Variants in KHDRBS2 observed in about 807,000 individuals in gnomAD.
KHDRBS2 encodes the protein KH domain-containing, RNA-binding, signal transduction-associated protein 2.
Under a neutral mutation model 44.3 loss-of-function variants are expected in KHDRBS2, and 26 were observed. That is an observed-to-expected ratio of 0.59 (90% CI 0.43 to 0.81). The LOEUF is 0.81. KHDRBS2 is among the 40% of genes least tolerant of loss of function. The pLI is 0.00. For synonymous variants in KHDRBS2, 194 were observed against 151.1 expected (o/e 1.28, Z -2.08); for missense variants, 476 against 433.1 (o/e 1.10, Z -0.88).
At chr6:61,719,815 A>G (rs866109791) in intron 7 of KHDRBS2, among the ~76,000 whole-genome samples, 1 of 152,046 alleles carries the variant, frequency 6.6e-6, no homozygotes, top group South Asian at 2.1e-4. Flanking sequence ...TTTAGGGTAC[A>G]TGTGCATAAT....
chr6:61,896,729 A>G (rs188498383), intron 5 of KHDRBS2, among the ~76,000 whole-genome samples: 23 of 152,194 alleles, frequency 1.5e-4, no homozygotes, highest in Non-Finnish European at 2.9e-4. Context: ...TACTTCCTCT[A>G]CATTCCTGAA....
chr6:62,023,665 A>G (rs887207433), intron 3 of KHDRBS2, among the ~76,000 whole-genome samples: 3 of 151,616 alleles, frequency 2.0e-5, no homozygotes, highest in Non-Finnish European at 4.4e-5. Context: ...TAAAAAACAA[A>G]AACATAAAAG....
intron 6 of KHDRBS2, among the ~76,000 whole-genome samples, chr6:61,758,692 T>C (rs962430958): frequency 5.9e-5 from 9 of 152,076 alleles, no homozygotes; most frequent in African/African-American, 1.7e-4. Flanking sequence ...ACATAAAATA[T>C]ACTCATGCTG....
intron 6 of KHDRBS2, among the ~76,000 whole-genome samples, chr6:61,745,426 A>T (rs922425492): frequency 5.3e-5 from 8 of 152,154 alleles, no homozygotes; most frequent in Non-Finnish European, 1.2e-4. Flanking sequence ...AGTTTAGAGT[A>T]ATGAAGTGCT....
chr6:61,578,084 G>GA, the KHDRBS2 span, among the ~76,000 whole-genome samples: 67 of 152,172 alleles, frequency 4.4e-4, no homozygotes, highest in Middle Eastern at 3.4e-3. Context: ...CTGACTCCCA[G>GA]AAAAAAGGCT....
rs1491476068 is a variant in KHDRBS2, at chr6:61,945,112, A to AAT, written c.483+32953_483+32954insAT. ...TCTTAAAAAAAAAAAAAAAAAAAAA[A>AAT]GTATATATATATATATATATATATA... On this transcript the variant is annotated intron_variant, in intron 4 of 8. Transcript: ENST00000281156. 1.2e-3 allele frequency among the ~76,000 whole-genome samples: 56 copies of AAT among 48,404 alleles called. 6 individuals carry two copies. The highest frequency in any genetic ancestry group is 3.9e-3 in the African/African-American group (48 of 12,268). 31.8% of individuals were successfully genotyped at this position (48,404 alleles called of 152,430 possible). A position where few individuals can be genotyped will look rare whatever the true frequency, so the allele number is the denominator to read the frequency against.
intron 1 of KHDRBS2, among the ~76,000 whole-genome samples, chr6:62,218,771 G>C (rs1174195316): frequency 6.6e-6 from 1 of 151,778 alleles, no homozygotes; most frequent in Admixed American, 6.6e-5. Context: ...ATCAACTTAA[G>C]TATCCATCAA....
chr6:62,152,996 T>C (rs1815556143), intron 2 of KHDRBS2, among the ~76,000 whole-genome samples: 2 of 152,212 alleles, frequency 1.3e-5, no homozygotes, highest in African/African-American at 4.8e-5. Flanking sequence ...TTGGCCCACA[T>C]GTGGCTCACT....
chr6:62,023,173 C>T (rs1191648170), intron 3 of KHDRBS2, among the ~76,000 whole-genome samples: 1 of 151,572 alleles, frequency 6.6e-6, no homozygotes, highest in Non-Finnish European at 1.5e-5. Context: ...TATACTAATC[C>T]ATATGTAAGA....
chr6:61,871,468 G>T (rs151112281), intron 6 of KHDRBS2, among the ~76,000 whole-genome samples: 28 of 152,258 alleles, frequency 1.8e-4, no homozygotes, highest in Non-Finnish European at 2.8e-4. Context: ...CCCCAACCTA[G>T]CAAGACAGAA....
intron 7 of KHDRBS2, among the ~76,000 whole-genome samples, chr6:61,703,389 A>T (rs1185241545): frequency 6.6e-6 from 1 of 151,854 alleles, no homozygotes; most frequent in Non-Finnish European, 1.5e-5. Context: ...ACTTATGTTA[A>T]AAATATTATG....
intron 1 of KHDRBS2, among the ~76,000 whole-genome samples, chr6:62,189,932 G>A (rs981290169): frequency 2.6e-5 from 4 of 152,080 alleles, no homozygotes; most frequent in African/African-American, 9.7e-5. Flanking sequence ...GAGGAATTCT[G>A]GAGCCTAAGG....
chr6:61,898,751 G>A (rs1184934032), intron 5 of KHDRBS2, among the ~76,000 whole-genome samples: 3 of 151,758 alleles, frequency 2.0e-5, no homozygotes, highest in Non-Finnish European at 4.4e-5. Context: ...GGGTTCAATC[G>A]ATAAGAATTT....
intron 6 of KHDRBS2, among the ~76,000 whole-genome samples, chr6:61,839,450 T>C (rs2127270177): frequency 6.6e-6 from 1 of 152,026 alleles, no homozygotes; most frequent in East Asian, 1.9e-4. Context: ...ATGGATAGAG[T>C]TAAGGCTAAT....
At chr6:62,203,896 G>C (rs1244053216) in intron 1 of KHDRBS2, among the ~76,000 whole-genome samples, 1 of 152,162 alleles carries the variant, frequency 6.6e-6, no homozygotes, top group African/African-American at 2.4e-5. Flanking sequence ...TATGGGGGCA[G>C]AGGTCCCAAG....
At chr6:61,670,552 G>C in the KHDRBS2 span, among the ~76,000 whole-genome samples, 1 of 151,352 alleles carries the variant, frequency 6.6e-6, no homozygotes, top group Non-Finnish European at 1.5e-5. Context: ...ATATCTTCAA[G>C]CAACATATAA....
chr6:62,019,537 A>G (rs1210965785), intron 3 of KHDRBS2, among the ~76,000 whole-genome samples: 1 of 152,028 alleles, frequency 6.6e-6, no homozygotes, highest in African/African-American at 2.4e-5. Flanking sequence ...TATCTTCCTT[A>G]ATTGGCTGGT....
intron 3 of KHDRBS2, among the ~76,000 whole-genome samples, 193 bp downstream of exon 3, chr6:62,047,685 A>G (rs775155335): frequency 2.6e-5 from 4 of 151,958 alleles, no homozygotes; most frequent in African/African-American, 4.8e-5. Flanking sequence ...CTTTCTGGAA[A>G]GAAAAAGAAG....
chr6:61,734,577 T>C (rs535142243), intron 6 of KHDRBS2, among the ~76,000 whole-genome samples: 168 of 152,192 alleles, frequency 1.1e-3, no homozygotes, highest in African/African-American at 3.9e-3. Context: ...TTACTTATCT[T>C]CCCAATATAG....
Sources: allele counts gnomAD v4.1 joint callset (sites outside exome capture counted in the v4.1 genomes callset), GRCh38; gene constraint gnomAD v4.1.1; transcripts MANE v1.5; gene names NCBI Gene and HGNC (gene_info 2026-07-23, HGNC 2026-07-21).